CPLANE1: variants seen among roughly 807,000 people sequenced by gnomAD.
CPLANE1 encodes ciliogenesis and planar polarity effector 1.
A neutral mutation model predicts 362.5 loss-of-function variants in CPLANE1; 263 were observed. The ratio of observed to expected loss-of-function variants is 0.73; its 90% CI spans 0.66 to 0.80. CPLANE1 has a LOEUF of 0.80. Ranked by LOEUF, CPLANE1 falls within the 30% of genes least tolerant of loss-of-function variation. CPLANE1 has a pLI of 0.00. For synonymous variants in CPLANE1, 1,212 were observed against 1,302.6 expected, an observed-to-expected ratio of 0.93 and a Z score of 1.50; for missense variants, 3,461 against 3,793.4, an observed-to-expected ratio of 0.91 and a Z score of 2.30.
Position 37,180,151 on chromosome 5 carries a change from A to G in CPLANE1, c.5603T>C (p.Ile1868Thr), listed in dbSNP as rs762090006. 3.9e-6 allele frequency: 6 copies of G among 1,532,268 alleles called. No homozygotes were observed. Among genetic ancestry groups the G allele is most frequent in the Admixed American group, 4.4e-5 (2 of 45,440 alleles). The allele number at this position is 1,532,268 out of a possible 1,614,324, so 94.9% of individuals were successfully genotyped here. A position where few individuals can be genotyped will look rare whatever the true frequency, so the allele number is the denominator to read the frequency against. The change falls in exon 28 of 53, where the codon ATA becomes ACA. Residue 1868 changes from isoleucine to threonine, a missense_variant. Around this residue, in one of 2 missense-constraint regions of CPLANE1, gnomAD observed 3,380 missense variants for 3,666.1 expected, o/e 0.92. Transcript: ENST00000651892. Reference sequence around the variant, plus strand: ...AATAATATCATCATTGATTTCTTTTATATCAGGATTTTTTGCTTCAGTTGG... The same window carrying G: ...AATAATATCATCATTGATTTCTTTTGTATCAGGATTTTTTGCTTCAGTTGG... ...RMPTEAKNPD[I>T]KEINDDIISI...
intron 14 of CPLANE1, among the ~76,000 whole-genome samples, chr5:37,222,820 C>G (rs1580860964): frequency 6.6e-6 from 1 of 152,250 alleles, no homozygotes; most frequent in South Asian, 2.1e-4. Flanking sequence ...TCTCCATTAC[C>G]CTTGACATTG....
intron 46 of CPLANE1, among the ~76,000 whole-genome samples, chr5:37,127,497 C>G (rs923951492): frequency 3.3e-5 from 5 of 151,618 alleles, no homozygotes; most frequent in African/African-American, 1.2e-4. Context: ...TCTAAAACTG[C>G]ATTCTCTTTT....
Position 37,175,997 on chromosome 5 carries a change from A to G in CPLANE1, c.5901-11T>C. ...AAGGCTTCGATCATACTATCAATAA[A>G]AATTAACAGGTGATTAGTAAGCAAG... On this transcript the variant is annotated splice_polypyrimidine_tract_variant and intron_variant, in intron 30 of 52. Transcript: ENST00000651892. 6.3e-7 allele frequency: 1 copy of G among 1,579,276 alleles called. No individual in the cohort carries two copies. Among genetic ancestry groups the G allele is most frequent in the Non-Finnish European group, 8.7e-7 (1 of 1,148,954 alleles).
chr5:37,085,549 C>T, the CPLANE1 span: 1 of 823,596 alleles, frequency 1.2e-6, no homozygotes, highest in South Asian at 1.3e-5. Flanking sequence ...GATTTGGAGA[C>T]TGGCAAGATT....
chr5:37,156,926 G>C (rs1023956919), intron 41 of CPLANE1, among the ~76,000 whole-genome samples: 3 of 152,090 alleles, frequency 2.0e-5, no homozygotes, highest in African/African-American at 7.2e-5. Flanking sequence ...CATGTGTCCC[G>C]AATTTGAAAT....
In CPLANE1 at chr5:37,153,897, G is replaced by A; in HGVS notation, c.8216C>T (p.Ala2739Val). 6.2e-7 allele frequency: 1 copy of A among 1,614,130 alleles called. No individual in the cohort carries two copies. Among genetic ancestry groups the A allele is most frequent in the Non-Finnish European group, 8.5e-7 (1 of 1,180,018 alleles). Reference sequence around the variant, plus strand: ...TGCAGAGCTTGGTGCAGGGCAAGCTGCAGAGACACCTTGCAGCCGTTTCCA... The same window carrying A: ...TGCAGAGCTTGGTGCAGGGCAAGCTACAGAGACACCTTGCAGCCGTTTCCA... The part of the protein sequence containing the change: ...LLWKRLQGVS[A>V]ACPAPSSAAH... Residue 2739 changes from alanine to valine, a missense_variant, in exon 42 of 53, where the codon GCA becomes GTA. Around this residue, in one of 2 missense-constraint regions of CPLANE1, gnomAD observed 3,380 missense variants for 3,666.1 expected, o/e 0.92. Coordinates refer to ENST00000651892, the MANE Select transcript of CPLANE1 (RefSeq NM_001384732.1).
the CPLANE1 span, among the ~76,000 whole-genome samples, chr5:37,099,387 T>G: frequency 6.6e-6 from 1 of 152,196 alleles, no homozygotes; most frequent in Non-Finnish European, 1.5e-5. Context: ...AGTGAGAACA[T>G]GCAGTGTTTG....
At chr5:37,199,096 CAAA>C (rs35945783) in intron 19 of CPLANE1, among the ~76,000 whole-genome samples, 3 of 47,168 alleles carry the variant, frequency 6.4e-5, no homozygotes. Context: ...CACCCTGTCT[CAAA>C]AAAAAAAAAA....
chr5:37,243,342 A>G lies in CPLANE1; in HGVS notation c.571-223T>C, dbSNP rs1162779892. ...TTGTAGTTTATGCTCTTAAGAAAAT[A>G]CTGACATTGACTGTGACTATAACTG... On this transcript the variant is annotated intron_variant, in intron 5 of 52. Transcript: ENST00000651892. Among the ~76,000 whole-genome samples, 10 of 152,060 alleles carry G rather than the reference A, an allele frequency of 6.6e-5. No individual in the cohort carries two copies. The East Asian group carries it at 1.9e-3, about 29-fold the overall frequency.
the CPLANE1 span, chr5:37,085,960 A>T: frequency 1.6e-6 from 1 of 609,244 alleles, no homozygotes; most frequent in Non-Finnish European, 2.9e-6. Flanking sequence ...ACAAAGAGGG[A>T]CATTATATAA....
intron 30 of CPLANE1, 77 bp downstream of exon 30, chr5:37,177,543 TA>T: frequency 2.0e-6 from 2 of 1,022,538 alleles, no homozygotes; most frequent in South Asian, 1.4e-5. Flanking sequence ...TCATGTATTG[TA>T]AATTATGAAG....
chr5:37,135,343 T>G, intron 46 of CPLANE1, among the ~76,000 whole-genome samples: 1 of 152,190 alleles, frequency 6.6e-6, no homozygotes, highest in Non-Finnish European at 1.5e-5. Context: ...TAGTCTGTTC[T>G]CACACTGCTA....
the CPLANE1 span, among the ~76,000 whole-genome samples, chr5:37,096,734 G>T: frequency 1.5e-3 from 221 of 152,216 alleles, 2 homozygotes; most frequent in African/African-American, 5.0e-3. Flanking sequence ...CCATCAAAAA[G>T]TGGGTTAAGG....
intron 32 of CPLANE1, 95 bp downstream of exon 32, chr5:37,173,660 T>A: frequency 1.9e-6 from 2 of 1,067,952 alleles, no homozygotes; most frequent in Non-Finnish European, 2.7e-6. Context: ...TGTGATATAA[T>A]TTTACCTTGT....
downstream of CPLANE1, among the ~76,000 whole-genome samples, chr5:37,102,726 GT>G (rs765428142): frequency 2.3e-4 from 35 of 152,164 alleles, no homozygotes; most frequent in Admixed American, 5.2e-4. Flanking sequence ...TTTTGAGTGA[GT>G]TTCTTAATCT....
At chr5:37,164,729 A>G (rs1421298718) in intron 36 of CPLANE1, among the ~76,000 whole-genome samples, 3 of 152,254 alleles carry the variant, frequency 2.0e-5, no homozygotes, top group South Asian at 2.1e-4. Context: ...AAATCAATGT[A>G]AACAAAACTA....
chr5:37,213,222 G>T (rs886912710), intron 16 of CPLANE1, among the ~76,000 whole-genome samples: 1 of 152,040 alleles, frequency 6.6e-6, no homozygotes, highest in Non-Finnish European at 1.5e-5. Flanking sequence ...AAAAAGAAAA[G>T]ATTGTTTGAG....
chr5:37,121,846 G>T, intron 48 of CPLANE1, 62 bp from the exon 49 acceptor site: 1 of 1,364,286 alleles, frequency 7.3e-7, no homozygotes, highest in Non-Finnish European at 1.0e-6. Flanking sequence ...TATCCAGAGG[G>T]AATATAGTGT....
At chr5:37,211,058 G>A (rs1332006091) in intron 16 of CPLANE1, 1 of 846,378 alleles carries the variant, frequency 1.2e-6, no homozygotes, top group Non-Finnish European at 2.1e-6. Context: ...AGCAGTCTGT[G>A]ATCCATCATT....
Sources: gnomAD v4.1 joint callset for allele counts (sites outside exome capture counted in the v4.1 genomes callset) on GRCh38, gnomAD v4.1.1 for gene constraint, gnomAD v4.1.1 regional missense constraint, MANE v1.5 for transcripts, NCBI Gene and HGNC (gene_info 2026-07-23, HGNC 2026-07-21) for gene names.